PTPRK: variants seen among roughly 807,000 people sequenced by gnomAD.
PTPRK encodes the protein protein tyrosine phosphatase receptor type K, also known as receptor-type tyrosine-protein phosphatase kappa.
In PTPRK, 75 loss-of-function variants were observed where a neutral mutation model predicts 178.0. That is an observed-to-expected ratio of 0.42 (90% CI 0.35 to 0.51). The LOEUF is 0.51. PTPRK is among the 20% of genes least tolerant of loss of function. PTPRK has a pLI of 0.02. For synonymous variants in PTPRK, 637 were observed against 620.6 expected (o/e 1.03, Z -0.39); for missense variants, 1,441 against 1,797.8 (o/e 0.80, Z 3.59).
chr6:128,426,361 T>G (rs1426385585), intron 1 of PTPRK, among the ~76,000 whole-genome samples: 1 of 152,236 alleles, frequency 6.6e-6, no homozygotes, highest in Non-Finnish European at 1.5e-5. Flanking sequence ...TTTCTATTTT[T>G]CTTTCATTAT....
chr6:128,034,847 T>G (rs1775941726), intron 13 of PTPRK, among the ~76,000 whole-genome samples: 1 of 152,158 alleles, frequency 6.6e-6, no homozygotes, highest in Non-Finnish European at 1.5e-5. Context: ...TGTGAAATGT[T>G]TAAACTGAAA....
intron 27 of PTPRK, among the ~76,000 whole-genome samples, chr6:127,975,267 G>GT (rs538811762): frequency 2.0e-5 from 3 of 152,066 alleles, no homozygotes; most frequent in African/African-American, 7.2e-5. Context: ...CAGCAGTTCT[G>GT]TTTTTTTCCA....
intron 1 of PTPRK, among the ~76,000 whole-genome samples, chr6:128,488,726 G>A (rs1853335113): frequency 6.6e-6 from 1 of 152,118 alleles, no homozygotes; most frequent in Non-Finnish European, 1.5e-5. Flanking sequence ...TATGGTTCAA[G>A]AAGAAAAGCA....
chr6:128,026,383 C>T (rs960561931), intron 13 of PTPRK, among the ~76,000 whole-genome samples: 5 of 152,190 alleles, frequency 3.3e-5, no homozygotes, highest in Non-Finnish European at 7.3e-5. Flanking sequence ...GTAATAGCTA[C>T]TTCCCAATAG....
At chr6:128,239,125 GTTTT>G (rs71833785) in intron 5 of PTPRK, among the ~76,000 whole-genome samples, 32 of 98,760 alleles carry the variant, frequency 3.2e-4, no homozygotes, top group East Asian at 1.6e-3. Context: ...AACTCATCTT[GTTTT>G]TTTTTTTTTT....
intron 1 of PTPRK, among the ~76,000 whole-genome samples, chr6:128,499,052 GCTTT>G (rs1357876416): frequency 6.6e-6 from 1 of 152,096 alleles, no homozygotes; most frequent in Admixed American, 6.6e-5. Flanking sequence ...TCAAAATGCA[GCTTT>G]ATTTGAAGAC....
rs554587670 is a variant in PTPRK, at chr6:128,005,061, T to C, written c.2494+23A>G. ...TGAAATGAGTTGTAACATCATTTAT[T>C]AAAATTTTAATGAAAAACTTACATC... On this transcript the variant is annotated intron_variant, in intron 15 of 29. Transcript: ENST00000368226. 7 of 1,586,372 alleles carry C rather than the reference T, an allele frequency of 4.4e-6. No homozygotes were observed. The African/African-American group carries it at 6.8e-5, about 15-fold the overall frequency.
At chr6:128,285,340 C>T (rs1822305281) in intron 3 of PTPRK, among the ~76,000 whole-genome samples, 1 of 150,728 alleles carries the variant, frequency 6.6e-6, no homozygotes, top group African/African-American at 2.4e-5. Flanking sequence ...CATGGTGAAA[C>T]CCTGTCTCTA....
At chr6:128,326,450 G>A (rs75322616) in intron 2 of PTPRK, among the ~76,000 whole-genome samples, 2,201 of 152,104 alleles carry the variant, frequency 0.014, 53 homozygotes, top group African/African-American at 0.049. Flanking sequence ...GAAAAATTAA[G>A]TATTCTCAAT....
intron 3 of PTPRK, among the ~76,000 whole-genome samples, chr6:128,243,787 T>G (rs183393651): frequency 6.6e-6 from 1 of 152,310 alleles, no homozygotes; most frequent in Non-Finnish European, 1.5e-5. Context: ...ATTCCTTTAT[T>G]CATGGGGATA....
intron 10 of PTPRK, among the ~76,000 whole-genome samples, chr6:128,081,767 C>G (rs1332417178): frequency 6.6e-6 from 1 of 151,946 alleles, no homozygotes; most frequent in Non-Finnish European, 1.5e-5. Flanking sequence ...TTAGGGCATA[C>G]TACAAAGCTA....
chr6:128,093,130 T>C (rs1223581217), intron 7 of PTPRK, among the ~76,000 whole-genome samples: 2 of 152,212 alleles, frequency 1.3e-5, no homozygotes, highest in Non-Finnish European at 2.9e-5. Flanking sequence ...GAATATGATA[T>C]ATGTTCTTGC....
intron 6 of PTPRK, among the ~76,000 whole-genome samples, chr6:128,213,311 C>G (rs2128267363): frequency 6.6e-6 from 1 of 151,972 alleles, no homozygotes; most frequent in Non-Finnish European, 1.5e-5. Context: ...TTTTATCATA[C>G]TCAAGGGGAG....
At chr6:127,993,339 C>T (rs1216006382) in intron 18 of PTPRK, among the ~76,000 whole-genome samples, 1 of 151,444 alleles carries the variant, frequency 6.6e-6, no homozygotes, top group Admixed American at 6.6e-5. Context: ...AAAAATGCAT[C>T]TTATCTTGAG....
chr6:128,032,487 T>C (rs2114802373), intron 13 of PTPRK, among the ~76,000 whole-genome samples: 1 of 152,302 alleles, frequency 6.6e-6, no homozygotes, highest in South Asian at 2.1e-4. Flanking sequence ...AAATTCTAAA[T>C]TCTGATTATA....
intron 2 of PTPRK, among the ~76,000 whole-genome samples, chr6:128,374,407 C>T (rs574672013): frequency 5.3e-5 from 8 of 152,088 alleles, no homozygotes; most frequent in Non-Finnish European, 1.0e-4. Context: ...ACATGCATAT[C>T]GATTAAGTAT....
intron 13 of PTPRK, among the ~76,000 whole-genome samples, chr6:128,040,701 A>T (rs1777023682): frequency 6.6e-6 from 1 of 152,104 alleles, no homozygotes; most frequent in South Asian, 2.1e-4. Flanking sequence ...TGCCACTACT[A>T]ACGATATACA....
At chr6:128,194,090 A>G (rs1208786487) in intron 6 of PTPRK, among the ~76,000 whole-genome samples, 4 of 146,978 alleles carry the variant, frequency 2.7e-5, no homozygotes, top group Non-Finnish European at 4.5e-5. Flanking sequence ...TATTATTATT[A>G]TTATTATTAT....
At chr6:128,172,159 T>A (rs1800353183) in intron 7 of PTPRK, among the ~76,000 whole-genome samples, 1 of 151,956 alleles carries the variant, frequency 6.6e-6, no homozygotes, top group Non-Finnish European at 1.5e-5. Context: ...ATACCCAGGA[T>A]AATTAGCATC....
Sources: gnomAD v4.1 joint callset for allele counts (sites outside exome capture counted in the v4.1 genomes callset) on GRCh38, gnomAD v4.1.1 for gene constraint, MANE v1.5 for transcripts, NCBI Gene and HGNC (gene_info 2026-07-23, HGNC 2026-07-21) for gene names.